SELP: variants seen among roughly 807,000 people sequenced by gnomAD.
The protein encoded by SELP is P-selectin.
SELP carries 92 observed loss-of-function variants against 104.1 expected under a neutral mutation model. That is an observed-to-expected ratio of 0.88 (90% CI 0.75 to 1.05). The LOEUF (loss-of-function observed/expected upper bound fraction) is 1.05. Ranked by LOEUF, SELP falls within the 50% of genes least tolerant of loss-of-function variation. The probability of loss-of-function intolerance (pLI) is 0.00; values close to 1 mark genes in which losing one functional copy is unlikely to be tolerated. For synonymous variants in SELP, 397 were observed against 364.5 expected (o/e 1.09, Z -1.01); for missense variants, 1,022 against 1,017.3 (o/e 1.00, Z -0.06).
intron 15 of SELP, among the ~76,000 whole-genome samples, chr1:169,591,221 A>G (rs959389130): frequency 4.6e-5 from 7 of 152,164 alleles, no homozygotes; most frequent in Non-Finnish European, 7.4e-5. Context: ...TTTTTATTAT[A>G]AATTACTTTT....
At chr1:169,612,453 A>G in intron 5 of SELP, 51 bp from the exon 6 acceptor site, 4 of 1,586,316 alleles carry the variant, frequency 2.5e-6, no homozygotes, top group Non-Finnish European at 3.5e-6. Context: ...AATTTTGTCC[A>G]TCACCTTGGA....
intron 10 of SELP, among the ~76,000 whole-genome samples, chr1:169,599,023 C>T (rs939233011): frequency 3.9e-5 from 6 of 152,148 alleles, no homozygotes; most frequent in Non-Finnish European, 7.4e-5. Context: ...GCCAAGGTTA[C>T]ATATCCAGAC....
intron 4 of SELP, 72 bp from the exon 5 acceptor site, chr1:169,613,186 G>GT: frequency 3.6e-6 from 5 of 1,371,488 alleles, no homozygotes; most frequent in Non-Finnish European, 4.9e-6. Context: ...GCTGAAAGCT[G>GT]TAACTATTTG....
chr1:169,607,674 A>G (rs1662270684), intron 8 of SELP, among the ~76,000 whole-genome samples: 1 of 152,322 alleles, frequency 6.6e-6, no homozygotes, highest in South Asian at 2.1e-4. Flanking sequence ...AAATAACCAT[A>G]TACGAAGAGA....
At chr1:169,599,746 G>T (rs1661806920) in intron 10 of SELP, among the ~76,000 whole-genome samples, 1 of 152,038 alleles carries the variant, frequency 6.6e-6, no homozygotes, top group African/African-American at 2.4e-5. Context: ...AAATGTTGGG[G>T]GAATGAAGAA....
intron 8 of SELP, among the ~76,000 whole-genome samples, chr1:169,608,653 G>C (rs1662325669): frequency 6.6e-6 from 1 of 152,098 alleles, no homozygotes; most frequent in Non-Finnish European, 1.5e-5. Context: ...TAACTGTTGT[G>C]ATTAATAGTG....
At chr1:169,612,781 G>T in intron 5 of SELP, 148 bp downstream of exon 5, 1 of 620,382 alleles carries the variant, frequency 1.6e-6, no homozygotes, top group Admixed American at 3.3e-5. Context: ...ATGTTACTCT[G>T]GTTGACAGTT....
In SELP at chr1:169,612,251, C is replaced by T. The variant is rs767474954; in HGVS notation, c.927G>A (p.Ser309=). ...VGPEVVQCTA[S]GVWTAPAPVC... is the part of the protein sequence containing the mutation. ...CTGGGGCTGGGGCTGTCCATACCCC[C>T]GAGGCTGTGCATTGCACCACTTCCG... Residue 309 remains serine, a synonymous_variant, in exon 6 of 17, where the codon TCG becomes TCA. Transcript: ENST00000263686. 117 of 1,613,952 alleles carry T rather than the reference C, an allele frequency of 7.2e-5. No individual in the cohort carries two copies. The highest frequency in any genetic ancestry group is 8.8e-5 in the Non-Finnish European group (104 of 1,179,992).
intron 8 of SELP, 93 bp downstream of exon 8, chr1:169,609,411 T>C (rs1393945053): frequency 6.4e-6 from 8 of 1,253,092 alleles, no homozygotes; most frequent in Non-Finnish European, 8.9e-6. Context: ...TCAGTGAATA[T>C]CTGATAAAGA....
chr1:169,616,651 T>C (rs1662826945), intron 3 of SELP, among the ~76,000 whole-genome samples: 1 of 152,170 alleles, frequency 6.6e-6, no homozygotes, highest in African/African-American at 2.4e-5. Context: ...CTCTCTGTTA[T>C]ACAAGACACA....
chr1:169,595,202 G>A (rs3917826), intron 12 of SELP, among the ~76,000 whole-genome samples: 2,778 of 152,226 alleles, frequency 0.018, 83 homozygotes, highest in African/African-American at 0.063. Context: ...TAGTCTAAAT[G>A]TTATTACTAC....
At chr1:169,602,959 C>G in intron 10 of SELP, 67 bp downstream of exon 10, 1 of 1,357,118 alleles carries the variant, frequency 7.4e-7, no homozygotes, top group Non-Finnish European at 1.0e-6. Context: ...TTATATAAAT[C>G]CCTGATGATT....
intron 12 of SELP, among the ~76,000 whole-genome samples, chr1:169,595,355 C>T (rs1661552277): frequency 6.6e-6 from 1 of 152,056 alleles, no homozygotes; most frequent in Non-Finnish European, 1.5e-5. Context: ...GTTATTCTTT[C>T]TAATTTATGG....
At chr1:169,598,101 G>A (rs1299638143) in intron 10 of SELP, among the ~76,000 whole-genome samples, 2 of 152,138 alleles carry the variant, frequency 1.3e-5, no homozygotes, top group Non-Finnish European at 2.9e-5. Context: ...GTAACCACTT[G>A]CCAAGTGAAT....
At chr1:169,622,465 A>G (rs3917681) in intron 1 of SELP, among the ~76,000 whole-genome samples, 14,839 of 152,296 alleles carry the variant, frequency 0.097, 918 homozygotes, top group East Asian at 0.2. Context: ...AAATATGGGA[A>G]TAATATTGAT....
At chr1:169,621,790 T>G (rs1262095689) in intron 1 of SELP, among the ~76,000 whole-genome samples, 1 of 152,178 alleles carries the variant, frequency 6.6e-6, no homozygotes, top group Non-Finnish European at 1.5e-5. Flanking sequence ...AACGTTATGA[T>G]TTACAGCTGT....
chr1:169,591,072 G>A (rs1021688364), intron 15 of SELP, among the ~76,000 whole-genome samples: 1 of 152,142 alleles, frequency 6.6e-6, no homozygotes. Context: ...CAGTTCTAAT[G>A]CTCTTTGAGT....
intron 3 of SELP, 73 bp downstream of exon 3, chr1:169,616,955 T>TAGCTG: frequency 3.0e-6 from 4 of 1,349,988 alleles, no homozygotes; most frequent in South Asian, 2.1e-5. Context: ...GACTCGGTGG[T>TAGCTG]TATGTTGGCC....
chr1:169,598,594 C>A (rs3917792), intron 10 of SELP, among the ~76,000 whole-genome samples: 45,057 of 152,112 alleles, frequency 0.3, 9,101 homozygotes, highest in African/African-American at 0.57. Context: ...TTTACTAAAC[C>A]TTTTTGAAAC....
Sources: gnomAD v4.1 joint callset for allele counts (sites outside exome capture counted in the v4.1 genomes callset) on GRCh38, gnomAD v4.1.1 for gene constraint, MANE v1.5 for transcripts, NCBI Gene and HGNC (gene_info 2026-07-23, HGNC 2026-07-21) for gene names.